UGT1A8: variants seen among roughly 807,000 people sequenced by gnomAD.
The protein encoded by UGT1A8 is UDP-glucuronosyltransferase 1A8.
In UGT1A8, 39 loss-of-function variants were observed where a neutral mutation model predicts 45.3. That is an observed-to-expected ratio of 0.86 (90% confidence interval 0.67 to 1.12). UGT1A8 has a LOEUF of 1.12. Among genes scored for constraint, UGT1A8 ranks in the 50% most tolerant of loss-of-function variants. The pLI is 0.00. For missense variants in UGT1A8, 719 were observed against 664.9 expected (o/e 1.08, Z -0.90); for synonymous variants, 275 against 249.2 (o/e 1.10, Z -0.97).
At chr2:233,730,116 T>C in intron 1 of UGT1A8, 1 of 1,558,872 alleles carries the variant, frequency 6.4e-7, no homozygotes, top group Non-Finnish European at 8.7e-7. Flanking sequence ...TGCTTCTCCT[T>C]GTCATAATAG....
At chr2:233,707,386 G>A (rs1362330538) in intron 1 of UGT1A8, among the ~76,000 whole-genome samples, 2 of 152,040 alleles carry the variant, frequency 1.3e-5, no homozygotes, top group Non-Finnish European at 2.9e-5. Flanking sequence ...GCATCCATGA[G>A]CTATTCTTTT....
chr2:233,682,812 G>A lies in UGT1A8; in HGVS notation c.855+64250G>A, dbSNP rs1274355899. On this transcript the variant is annotated intron_variant, in intron 1 of 4. Coordinates refer to ENST00000373450, the MANE Select transcript of UGT1A8 (RefSeq NM_019076.5). ...CCTATGGTAAGTTATCTCCCCTTTA[G>A]CACATTAAGAATAATCTGGCTTTGG... The A allele has an allele frequency of 3.8e-6, 6 of 1,593,294 alleles. No homozygotes were observed. In the Admixed American group the frequency reaches 8.7e-5, roughly 23 times the overall value.
Position 233,743,652 on chromosome 2 carries a change from A to ACTCGAAGGGGTC in UGT1A8, c.856-23372_856-23361dup, listed in dbSNP as rs1188916157. On this transcript the variant is annotated intron_variant, in intron 1 of 4. Transcript: ENST00000373450. The stretch of plus-strand genomic sequence containing the variant: ...GCTGGGTCGCGGAAGCTGAAGACGT[A>ACTCGAAGGGGTC]CTCGAAGGGGTCCTCGAAGGGCCTG... 5.9e-6 allele frequency: 8 copies of ACTCGAAGGGGTC among 1,367,190 alleles called. No homozygotes were observed. The South Asian group carries it at 9.1e-5, about 16-fold the overall frequency. The allele number at this position is 1,367,190 out of a possible 1,614,324, so 84.7% of individuals were successfully genotyped here. A position where few individuals can be genotyped will look rare whatever the true frequency, so the allele number is the denominator to read the frequency against.
chr2:233,766,884 A>G, intron 1 of UGT1A8, 150 bp from the exon 2 acceptor site: 2 of 1,457,402 alleles, frequency 1.4e-6, no homozygotes, highest in Non-Finnish European at 1.8e-6. Context: ...ATGCTGTAAA[A>G]CTTACATATT....
intron 1 of UGT1A8, among the ~76,000 whole-genome samples, chr2:233,748,751 T>C (rs1228762220): frequency 1.3e-5 from 2 of 151,458 alleles, no homozygotes; most frequent in Admixed American, 6.6e-5. Flanking sequence ...TCGGAAGGCA[T>C]AGTTTTGGTT....
At chr2:233,674,708 A>C (rs548568132) in intron 1 of UGT1A8, among the ~76,000 whole-genome samples, 1 of 152,288 alleles carries the variant, frequency 6.6e-6, no homozygotes, top group African/African-American at 2.4e-5. Flanking sequence ...GATGTATGAA[A>C]GTTTTTATAC....
intron 1 of UGT1A8, among the ~76,000 whole-genome samples, chr2:233,735,494 C>G (rs1320863859): frequency 6.6e-6 from 1 of 152,164 alleles, no homozygotes; most frequent in East Asian, 1.9e-4. Context: ...TTAATTGCAG[C>G]ATTTAGCCCA....
chr2:233,656,860 C>T (rs1012074104), intron 1 of UGT1A8, among the ~76,000 whole-genome samples: 4 of 152,004 alleles, frequency 2.6e-5, no homozygotes, highest in African/African-American at 9.7e-5. Flanking sequence ...TCCTGGGCAT[C>T]CCTATTAAGA....
chr2:233,746,864 A>G (rs1693495912), intron 1 of UGT1A8, among the ~76,000 whole-genome samples: 1 of 151,076 alleles, frequency 6.6e-6, no homozygotes, highest in South Asian at 2.1e-4. Flanking sequence ...CTGCAGCCTG[A>G]TAAACGTGGT....
chr2:233,657,243 C>T (rs2073875708), intron 1 of UGT1A8, among the ~76,000 whole-genome samples: 1 of 152,200 alleles, frequency 6.6e-6, no homozygotes, highest in Non-Finnish European at 1.5e-5. Context: ...TGCTCAGAAG[C>T]ACCTGGCGGT....
chr2:233,660,791 C>T (rs1472477607), intron 1 of UGT1A8, among the ~76,000 whole-genome samples: 1 of 152,058 alleles, frequency 6.6e-6, no homozygotes, highest in Admixed American at 6.6e-5. Flanking sequence ...AAAACTGGCT[C>T]AGGCAGATAT....
At chr2:233,758,941 T>C (rs1697024496) in intron 1 of UGT1A8, among the ~76,000 whole-genome samples, 1 of 152,230 alleles carries the variant, frequency 6.6e-6, no homozygotes, top group Non-Finnish European at 1.5e-5. Flanking sequence ...TTCAAATCAG[T>C]CATCAGAATT....
At chr2:233,725,059 C>T (rs1273678780) in intron 1 of UGT1A8, among the ~76,000 whole-genome samples, 8 of 146,980 alleles carry the variant, frequency 5.4e-5, no homozygotes, top group African/African-American at 1.0e-4. Flanking sequence ...TGGCGGCGCG[C>T]GCCTGCAATC....
At chr2:233,661,623 TTTTCTTTCTTTCTTTC>T (rs55749169) in intron 1 of UGT1A8, among the ~76,000 whole-genome samples, 1,693 of 124,016 alleles carry the variant, frequency 0.014, 35 homozygotes, top group Non-Finnish European at 0.016. Flanking sequence ...ACTTACTGAA[TTTTCTTTCTTTCTTTC>T]TTTCTTTCTT....
At chr2:233,686,255 T>C (rs1302039353) in intron 1 of UGT1A8, among the ~76,000 whole-genome samples, 1 of 152,066 alleles carries the variant, frequency 6.6e-6, no homozygotes, top group African/African-American at 2.4e-5. Flanking sequence ...TGAGATTTTT[T>C]TTTTTCTTGT....
chr2:233,712,319 C>T (rs1479804817), intron 1 of UGT1A8, among the ~76,000 whole-genome samples: 1 of 149,708 alleles, frequency 6.7e-6, no homozygotes, highest in Non-Finnish European at 1.5e-5. Context: ...CTCAACAAAG[C>T]CTTTCCAAGA....
intron 1 of UGT1A8, among the ~76,000 whole-genome samples, chr2:233,653,555 G>A (rs759703545): frequency 6.6e-6 from 1 of 152,134 alleles, no homozygotes; most frequent in Non-Finnish European, 1.5e-5. Flanking sequence ...GGTCACCACC[G>A]CATACACAGT....
At chr2:233,664,291 ACT>A (rs1399441125) in intron 1 of UGT1A8, among the ~76,000 whole-genome samples, 1 of 151,668 alleles carries the variant, frequency 6.6e-6, no homozygotes, top group Non-Finnish European at 1.5e-5. Flanking sequence ...AGCCCTCCAA[ACT>A]CTTCAAACGT....
chr2:233,675,529 C>G (rs1050084763), intron 1 of UGT1A8, among the ~76,000 whole-genome samples: 2 of 152,104 alleles, frequency 1.3e-5, no homozygotes, highest in Non-Finnish European at 2.9e-5. Context: ...TGTGCTTCCC[C>G]CCTTGCTGTA....
Sources: gnomAD v4.1 joint callset for allele counts (sites outside exome capture counted in the v4.1 genomes callset) on GRCh38, gnomAD v4.1.1 for gene constraint, MANE v1.5 for transcripts, NCBI Gene and HGNC (gene_info 2026-07-23, HGNC 2026-07-21) for gene names.